Variants in NUP42 observed in about 807,000 individuals in gnomAD.
NUP42 encodes the protein nucleoporin 42.
A neutral mutation model predicts 35.9 loss-of-function variants in NUP42; 47 were observed. The ratio of observed to expected loss-of-function variants is 1.31; its 90% CI spans 1.04 to 1.67. NUP42 has a LOEUF of 1.67. NUP42 is among the 40% of genes most tolerant of loss of function. The pLI, the probability that NUP42 is intolerant of heterozygous loss-of-function variation, is 0.00. For synonymous variants in NUP42, 173 were observed against 173.3 expected (o/e 1.00, Z 0.01); for missense variants, 514 against 492.2 (o/e 1.04, Z -0.42).
chr7:23,184,676 A>G (rs1255465265), intron 1 of NUP42, among the ~76,000 whole-genome samples: 1 of 152,210 alleles, frequency 6.6e-6, no homozygotes, highest in Admixed American at 6.5e-5. Context: ...TATATTGTCT[A>G]GACATACTAA....
At chr7:23,193,504 T>A (rs1218019537) in intron 3 of NUP42, among the ~76,000 whole-genome samples, 1 of 152,062 alleles carries the variant, frequency 6.6e-6, no homozygotes, top group Non-Finnish European at 1.5e-5. Context: ...AGATACAGTG[T>A]TGATTGGTGT....
chr7:23,200,553 C>T lies in NUP42; in HGVS notation c.1080C>T (p.Ser360=). The change falls in exon 7 of 7, where the codon TCC becomes TCT. Residue 360 remains serine, a synonymous_variant. Coordinates refer to ENST00000258742, the MANE Select transcript of NUP42 (RefSeq NM_007342.3). ...CTCACACTGCTTTTTCTAAGCCATC[C>T]AGTGACACTTTTGGAAATAGCAGCA... ...SHSHTAFSKP[S]SDTFGNSSIS... 1 of 1,614,100 alleles carries T rather than the reference C, an allele frequency of 6.2e-7. No homozygotes were observed.
intron 3 of NUP42, among the ~76,000 whole-genome samples, chr7:23,194,043 C>G (rs903887490): frequency 3.3e-5 from 5 of 152,246 alleles, no homozygotes; most frequent in Admixed American, 6.5e-5. Context: ...CAAGCCCACG[C>G]CCACTCGGAA....
chr7:23,184,551 T>C (rs1785525419), intron 1 of NUP42, among the ~76,000 whole-genome samples: 1 of 151,930 alleles, frequency 6.6e-6, no homozygotes, highest in Non-Finnish European at 1.5e-5. Context: ...CAAACAAAAA[T>C]GCAATTGGCC....
Position 23,199,510 on chromosome 7 carries a change from G to A in NUP42, c.662G>A (p.Gly221Asp). 1 of 1,614,028 alleles carries A rather than the reference G, an allele frequency of 6.2e-7. No individual in the cohort carries two copies. Among genetic ancestry groups the A allele is most frequent in the East Asian group, 2.2e-5 (1 of 44,886 alleles). Residue 221 changes from glycine (G) to aspartate (D), a missense_variant, in exon 6 of 7, where the codon GGC becomes GAC. Gly to Asp is a moderately conservative substitution (Grantham distance 94). Transcript: ENST00000258742. ...VNQAAPAFGFGSSQAATFMSP... is the reference protein window; with the variant it reads ...VNQAAPAFGFDSSQAATFMSP... ...CAAGCAGCACCTGCATTTGGATTTG[G>A]CAGCAGTCAAGCAGCAACATTTATG...
chr7:23,183,467 C>G (rs926572119), intron 1 of NUP42, among the ~76,000 whole-genome samples: 1 of 152,092 alleles, frequency 6.6e-6, no homozygotes, highest in Non-Finnish European at 1.5e-5. Flanking sequence ...GTGATACTCC[C>G]GCTTCCGTCT....
chr7:23,200,333 C>G lies in NUP42; in HGVS notation c.860C>G (p.Ala287Gly). The change falls in exon 7 of 7, where the codon GCT becomes GGT. Residue 287 changes from alanine to glycine, a missense_variant. Ala to Gly is a moderately conservative substitution (Grantham distance 60). Coordinates refer to ENST00000258742, the MANE Select transcript of NUP42 (RefSeq NM_007342.3). ...TCAGGTATCTCTACTTCTGCTCCAG[C>G]TTTTGGATTTGGGAAGCCTGAAGTC... is the stretch of plus-strand genomic sequence containing the variant. ...TSSGISTSAPAFGFGKPEVTS... is the reference protein window; with the variant it reads ...TSSGISTSAPGFGFGKPEVTS... 1 of 1,609,594 alleles carries G rather than the reference C, an allele frequency of 6.2e-7. No individual in the cohort carries two copies. Among genetic ancestry groups the G allele is most frequent in the Non-Finnish European group, 8.5e-7 (1 of 1,177,438 alleles).
chr7:23,192,230 TAAGAG>T (rs1785817085), intron 3 of NUP42, among the ~76,000 whole-genome samples: 1 of 151,994 alleles, frequency 6.6e-6, no homozygotes, highest in Admixed American at 6.6e-5. Context: ...TAACGTACTG[TAAGAG>T]AAAAGAAAAT....
chr7:23,182,121 C>T lies in NUP42; in HGVS notation c.36C>T (p.Cys12=), dbSNP rs759220259. ...AICQFFLQGR[C]RFGDRCWNEH... is the part of the protein sequence containing the mutation. ...GTCAATTCTTCCTTCAAGGCCGGTG[C>T]CGCTTTGGAGATCGGTGCTGGAACG... The change falls in exon 1 of 7, where the codon TGC becomes TGT. Residue 12 remains cysteine (C), a synonymous_variant. Transcript: ENST00000258742. 6.2e-7 allele frequency: 1 copy of T among 1,614,200 alleles called. No homozygotes were observed. The highest frequency in any genetic ancestry group is 8.5e-7 in the Non-Finnish European group (1 of 1,180,036).
At chr7:23,192,794 G>A (rs565881272) in intron 3 of NUP42, among the ~76,000 whole-genome samples, 441 of 152,158 alleles carry the variant, frequency 2.9e-3, no homozygotes, top group Non-Finnish European at 4.7e-3. Context: ...GAACAGAACT[G>A]CAAGGGTCCA....
At chr7:23,188,598 AAC>A (rs377588717) in intron 3 of NUP42, 2 of 934,552 alleles carry the variant, frequency 2.1e-6, no homozygotes, top group East Asian at 2.3e-4. Context: ...ATTTCAGATA[AAC>A]AGTGTTTTTA....
intron 3 of NUP42, chr7:23,194,651 G>A (rs771416649): frequency 1.2e-5 from 2 of 166,218 alleles, no homozygotes; most frequent in South Asian, 1.2e-4. Context: ...GTGAGCCACC[G>A]CGCCCGGCTG....
At position 23,200,897 on chromosome 7, in the gene NUP42, ATATT is replaced by A. The variant is rs1786204870; in HGVS notation, c.*155_*158del. On this transcript the variant is annotated 3_prime_UTR_variant, in exon 7 of 7. Transcript: ENST00000258742. ...AATTTGATTTTTTTCTTAACTCTAA[ATATT>A]TAAGTAAAAAGTAACAAAAACTCTG... 2.3e-6 allele frequency: 1 copy of A among 440,304 alleles called. No individual in the cohort carries two copies. The highest frequency in any genetic ancestry group is 9.7e-5 in the South Asian group (1 of 10,292). 27.3% of individuals were successfully genotyped at this position (440,304 alleles called of 1,614,324 possible).
intron 3 of NUP42, chr7:23,188,007 A>G: frequency 9.8e-7 from 1 of 1,019,754 alleles, no homozygotes; most frequent in Admixed American, 3.0e-5. Context: ...TTTATTTTTT[A>G]TTTTTATTTT....
intron 1 of NUP42, among the ~76,000 whole-genome samples, chr7:23,184,375 A>G (rs1352024679): frequency 6.6e-6 from 1 of 152,180 alleles, no homozygotes; most frequent in South Asian, 2.1e-4. Flanking sequence ...CTGGTGGGGG[A>G]GCAAAGAATG....
chr7:23,199,609 C>T (rs1786139994), intron 6 of NUP42, 67 bp downstream of exon 6: 1 of 1,315,910 alleles, frequency 7.6e-7, no homozygotes, highest in Admixed American at 1.7e-5. Flanking sequence ...TTTCAAATTA[C>T]AAGCCTGAAT....
chr7:23,193,355 A>C (rs1583771168), intron 3 of NUP42, among the ~76,000 whole-genome samples: 1 of 152,268 alleles, frequency 6.6e-6, no homozygotes, highest in Non-Finnish European at 1.5e-5. Context: ...ACAGAGAGCC[A>C]AGTGGTCTGT....
chr7:23,200,590 C>T lies in NUP42; in HGVS notation c.1117C>T (p.Leu373=), dbSNP rs1786189250. ...TGGAAATAGCAGCATATCCACTTCT[C>T]TGTCAGCCTCAAGCAGCATCATTGC... ...TFGNSSISTS[L]SASSSIIATD... is the part of the protein sequence containing the mutation. The change falls in exon 7 of 7, where the codon CTG becomes TTG. Residue 373 remains leucine (L), a synonymous_variant. Coordinates refer to ENST00000258742, the MANE Select transcript of NUP42 (RefSeq NM_007342.3). 2 of 1,614,070 alleles carry T rather than the reference C, an allele frequency of 1.2e-6. No homozygotes were observed. Among genetic ancestry groups the T allele is most frequent in the African/African-American group, 2.7e-5 (2 of 74,928 alleles).
chr7:23,199,249 G>A (rs1454121553), intron 5 of NUP42, among the ~76,000 whole-genome samples: 1 of 151,936 alleles, frequency 6.6e-6, no homozygotes, highest in Non-Finnish European at 1.5e-5. Flanking sequence ...TGGGGGTCTC[G>A]CTGTGTTGCT....
Sources: allele counts gnomAD v4.1 joint callset (sites outside exome capture counted in the v4.1 genomes callset), GRCh38; gene constraint gnomAD v4.1.1; transcripts MANE v1.5; gene names NCBI Gene and HGNC (gene_info 2026-07-23, HGNC 2026-07-21).